The following ECT2 variants were observed in gnomAD, a reference collection of about 807,000 sequenced individuals.
ECT2 encodes the protein epithelial cell transforming 2.
A neutral mutation model predicts 116.9 loss-of-function variants in ECT2; 61 were observed. That is an observed-to-expected ratio of 0.52 (90% CI 0.42 to 0.65). ECT2 has a LOEUF of 0.65. ECT2 is among the 30% of genes least tolerant of loss of function. The pLI, the probability that ECT2 is intolerant of heterozygous loss-of-function variation, is 0.00. For synonymous variants in ECT2, 358 were observed against 346.4 expected, an observed-to-expected ratio of 1.03 and a Z score of -0.37; for missense variants, 937 against 1,078.7, an observed-to-expected ratio of 0.87 and a Z score of 1.84.
At chr3:172,767,276 A>C (rs1719625403) in intron 12 of ECT2, among the ~76,000 whole-genome samples, 1 of 152,110 alleles carries the variant, frequency 6.6e-6, no homozygotes, top group Non-Finnish European at 1.5e-5. Context: ...CCCCATCTCT[A>C]CTAAAAATAC....
chr3:172,781,522 A>G (rs1349802307), intron 14 of ECT2, among the ~76,000 whole-genome samples: 4 of 152,186 alleles, frequency 2.6e-5, no homozygotes, highest in Non-Finnish European at 5.9e-5. Flanking sequence ...TTAGAATTTC[A>G]ATTAGGGCCT....
chr3:172,758,157 G>A (rs538464026), intron 5 of ECT2, among the ~76,000 whole-genome samples: 19 of 152,066 alleles, frequency 1.2e-4, no homozygotes, highest in Non-Finnish European at 2.1e-4. Flanking sequence ...ACCGTGCCCC[G>A]CTTCTTTTTG....
intron 21 of ECT2, among the ~76,000 whole-genome samples, chr3:172,807,022 G>C (rs1727878233): frequency 6.6e-6 from 1 of 152,080 alleles, no homozygotes; most frequent in African/African-American, 2.4e-5. Flanking sequence ...ATTTATTAAA[G>C]GTTACATAGT....
At chr3:172,810,300 T>C (rs1370109687) in intron 22 of ECT2, among the ~76,000 whole-genome samples, 1 of 152,186 alleles carries the variant, frequency 6.6e-6, no homozygotes, top group Non-Finnish European at 1.5e-5. Context: ...TTCAAAACTT[T>C]TCAAAACTTA....
chr3:172,757,609 G>A (rs988107099), intron 5 of ECT2, among the ~76,000 whole-genome samples: 11 of 151,846 alleles, frequency 7.2e-5, no homozygotes, highest in Admixed American at 3.3e-4. Context: ...TAGAGATGGC[G>A]TTTCACCATG....
intron 18 of ECT2, among the ~76,000 whole-genome samples, chr3:172,800,652 A>T (rs755943077): frequency 2.0e-5 from 3 of 152,016 alleles, no homozygotes; most frequent in African/African-American, 4.8e-5. Flanking sequence ...GTTTACTCTG[A>T]TGTTATTCTC....
At chr3:172,823,863 T>C (rs1293376846), downstream of ECT2, among the ~76,000 whole-genome samples, 4 of 152,236 alleles carry the variant, frequency 2.6e-5, no homozygotes, top group African/African-American at 9.6e-5. Flanking sequence ...AATATTTGTA[T>C]TATGTATATT....
downstream of ECT2, among the ~76,000 whole-genome samples, chr3:172,826,114 C>T (rs1401660518): frequency 2.6e-5 from 4 of 152,134 alleles, no homozygotes; most frequent in African/African-American, 4.8e-5. Flanking sequence ...AGGCTGGTCT[C>T]GAACTCCTGA....
intron 24 of ECT2, among the ~76,000 whole-genome samples, chr3:172,818,171 C>T (rs1560035160): frequency 1.3e-5 from 2 of 152,038 alleles, no homozygotes; most frequent in Admixed American, 6.6e-5. Context: ...TCAGTTAACA[C>T]ATCAAAGAGT....
At chr3:172,814,382 A>T (rs1242897677) in intron 22 of ECT2, among the ~76,000 whole-genome samples, 1 of 152,028 alleles carries the variant, frequency 6.6e-6, no homozygotes, top group Non-Finnish European at 1.5e-5. Context: ...AATAGAAAAA[A>T]TTTTCAGAAG....
intron 19 of ECT2, 73 bp downstream of exon 19, chr3:172,802,767 A>G: frequency 6.6e-7 from 1 of 1,514,726 alleles, no homozygotes; most frequent in Non-Finnish European, 8.9e-7. Context: ...TTTAATATAA[A>G]TAATATCTTG....
chr3:172,759,667 A>G (rs936322415), intron 6 of ECT2, among the ~76,000 whole-genome samples: 3 of 151,918 alleles, frequency 2.0e-5, no homozygotes, highest in Non-Finnish European at 4.4e-5. Context: ...GATGGTCTTG[A>G]TCTCCTGACC....
intron 22 of ECT2, among the ~76,000 whole-genome samples, chr3:172,812,250 A>G (rs960631850): frequency 6.6e-6 from 1 of 152,332 alleles, no homozygotes; most frequent in South Asian, 2.1e-4. Flanking sequence ...GGGGCCTATC[A>G]CAGTGCTGGG....
At chr3:172,818,955 G>A in intron 24 of ECT2, 1 of 623,904 alleles carries the variant, frequency 1.6e-6, no homozygotes, top group Non-Finnish European at 2.1e-6. Flanking sequence ...TAACAATTTA[G>A]GTTTAATAGA....
intron 21 of ECT2, 112 bp from the exon 22 acceptor site, chr3:172,807,656 GAA>G (rs1354484126): frequency 8.4e-7 from 1 of 1,196,110 alleles, no homozygotes; most frequent in Admixed American, 2.4e-5. Context: ...GGAAAGTGGA[GAA>G]GTGATAGTTC....
intron 20 of ECT2, among the ~76,000 whole-genome samples, chr3:172,805,438 G>A (rs1183957486): frequency 2.6e-5 from 4 of 151,942 alleles, no homozygotes; most frequent in African/African-American, 9.7e-5. Context: ...CCTTGATCCT[G>A]TCGCTTCTCA....
At chr3:172,816,918 TA>T in intron 24 of ECT2, 81 bp downstream of exon 24, 3 of 1,188,840 alleles carry the variant, frequency 2.5e-6, no homozygotes, top group Non-Finnish European at 3.4e-6. Flanking sequence ...AAATTGGAAA[TA>T]TTTCTTCCAT....
At position 172,754,555 on chromosome 3, in the gene ECT2, T is replaced by C. The variant is rs1279451952; in HGVS notation, c.25T>C (p.Ser9Pro). 6.2e-7 allele frequency: 1 copy of C among 1,606,146 alleles called. No homozygotes were observed. Among genetic ancestry groups the C allele is most frequent in the Non-Finnish European group, 8.5e-7 (1 of 1,177,302 alleles). The change falls in exon 2 of 25, where the codon TCC becomes CCC. Residue 9 changes from serine to proline, a missense_variant. By Grantham distance (74) the Ser-to-Pro change is moderately conservative. Coordinates refer to ENST00000392692, the MANE Select transcript of ECT2 (RefSeq NM_001258315.2). The part of the protein sequence containing the change: MAENSVLT[S>P]TTGRTSLADS... ...CATGGCTGAAAATAGTGTATTAACATCCACTACTGGGAGGACTAGCTTGGC... is the reference window on the plus strand; with the variant it reads ...CATGGCTGAAAATAGTGTATTAACACCCACTACTGGGAGGACTAGCTTGGC...
chr3:172,769,239 CAT>C, intron 13 of ECT2, 96 bp downstream of exon 13: 2 of 1,220,982 alleles, frequency 1.6e-6, no homozygotes, highest in Non-Finnish European at 2.3e-6. Context: ...ATTATATAAA[CAT>C]AGTATTTGAA....
Sources: allele counts gnomAD v4.1 joint callset (sites outside exome capture counted in the v4.1 genomes callset), GRCh38; gene constraint gnomAD v4.1.1; transcripts MANE v1.5; gene names NCBI Gene and HGNC (gene_info 2026-07-23, HGNC 2026-07-21).